Variants in CYTIP observed in about 807,000 individuals in gnomAD.
CYTIP encodes the protein cytohesin 1 interacting protein.
A neutral mutation model predicts 43.8 loss-of-function variants in CYTIP; 26 were observed. That is an observed-to-expected ratio of 0.59 (90% confidence interval 0.44 to 0.82). The LOEUF is 0.82. Among genes scored for constraint, CYTIP ranks in the 40% least tolerant of loss-of-function variants. The pLI is 0.00. For missense variants in CYTIP, 426 were observed against 443.1 expected (o/e 0.96, Z 0.35); for synonymous variants, 162 against 162.9 (o/e 0.99, Z 0.04).
At chr2:157,440,448 C>T (rs1229720418) in intron 1 of CYTIP, among the ~76,000 whole-genome samples, 1 of 152,124 alleles carries the variant, frequency 6.6e-6, no homozygotes, top group Non-Finnish European at 1.5e-5. Flanking sequence ...GAATAATTTT[C>T]AAAGTCTTTT....
chr2:157,422,419 GCA>G (rs1685535290), intron 6 of CYTIP, among the ~76,000 whole-genome samples: 1 of 152,178 alleles, frequency 6.6e-6, no homozygotes, highest in Non-Finnish European at 1.5e-5. Context: ...TGTAATCCCA[GCA>G]CTTTGGGAGG....
At chr2:157,434,322 G>T in intron 3 of CYTIP, 48 bp downstream of exon 3, 2 of 1,410,446 alleles carry the variant, frequency 1.4e-6, no homozygotes, top group Non-Finnish European at 2.0e-6. Flanking sequence ...TGACACTACC[G>T]GTGCCACTTT....
intron 1 of CYTIP, among the ~76,000 whole-genome samples, chr2:157,435,627 T>C (rs1188689678): frequency 6.6e-6 from 1 of 152,156 alleles, no homozygotes; most frequent in Admixed American, 6.5e-5. Flanking sequence ...GTTTTTTTGG[T>C]CGGTTTGTTT....
chr2:157,434,785 T>C, intron 1 of CYTIP, 38 bp from the exon 2 acceptor site: 2 of 1,515,720 alleles, frequency 1.3e-6, no homozygotes, highest in Non-Finnish European at 1.8e-6. Flanking sequence ...TCCCAGGGTC[T>C]TCAAGATACA....
In CYTIP at chr2:157,427,399, T is replaced by C; in HGVS notation, c.498A>G (p.Thr166=). 1 of 1,609,106 alleles carries C rather than the reference T, an allele frequency of 6.2e-7. No individual in the cohort carries two copies. The highest frequency in any genetic ancestry group is 8.5e-7 in the Non-Finnish European group (1 of 1,178,454). ...NLLTIETLNG[T]MILKRTELEA... The stretch of plus-strand genomic sequence containing the variant: ...CAAGCTCCGTTCTTTTCAGAATCAT[T>C]GTTCCATTAAGAGTCTCTATCCTGT... Residue 166 remains threonine (T), a synonymous_variant, in exon 6 of 8, where the codon ACA becomes ACG. Coordinates refer to ENST00000264192, the MANE Select transcript of CYTIP (RefSeq NM_004288.5).
In CYTIP at chr2:157,427,654, A is replaced by C. The variant is rs574148500; in HGVS notation, c.477-234T>G. 6.6e-4 allele frequency among the ~76,000 whole-genome samples: 100 copies of C among 152,372 alleles called. 2 individuals are homozygous for C. Among genetic ancestry groups the C allele is most frequent in the Non-Finnish European group, 4.7e-4 (32 of 68,030 alleles). ...CCCCTTGAGAAGGTGGCTAAAAGAA[A>C]GGATCCTAGTTAATTTGTAAACTAT... On this transcript the variant is annotated intron_variant, in intron 5 of 7. Transcript: ENST00000264192.
At chr2:157,434,235 A>G in intron 3 of CYTIP, 135 bp downstream of exon 3, 1 of 752,672 alleles carries the variant, frequency 1.3e-6, no homozygotes, top group East Asian at 2.5e-5. Flanking sequence ...ACTACCCCCA[A>G]ACAGCCACAC....
In CYTIP at chr2:157,418,599, TA is replaced by T. The variant is rs5835667; in HGVS notation, c.547-11del. 0.062 allele frequency: 80,543 copies of T among 1,305,626 alleles called. No individual in the cohort carries two copies. The highest frequency in any genetic ancestry group is 0.095 in the South Asian group (6,101 of 64,004). 80.9% of individuals were successfully genotyped at this position (1,305,626 alleles called of 1,614,324 possible). On this transcript the variant is annotated splice_polypyrimidine_tract_variant and intron_variant, in intron 6 of 7. Transcript: ENST00000264192. ...TTTGTTTCAAAGTTTGCTGTGAGATTAAAAAAAAAAAAAAAAAGTTTTTATT... is the reference window on the plus strand; with the variant it reads ...TTTGTTTCAAAGTTTGCTGTGAGATTAAAAAAAAAAAAAAAAGTTTTTATT...
Position 157,416,017 on chromosome 2 carries a change from T to C in CYTIP, c.740A>G (p.Lys247Arg). The change falls in exon 8 of 8, where the codon AAG (lysine) becomes AGG (arginine). Residue 247 changes from lysine to arginine, a missense_variant. Physicochemically the swap from Lys to Arg is conservative, Grantham distance 26 (BLOSUM62 2). Transcript: ENST00000264192. ...CATCGTCATGGAGCTCAGCCAGCTCTTACAGCTGCTCTCACTGGATAATCG... is the reference window on the plus strand; with the variant it reads ...CATCGTCATGGAGCTCAGCCAGCTCCTACAGCTGCTCTCACTGGATAATCG... ...RNRLSSESSC[K>R]SWLSSMTMDS... 1 of 1,614,218 alleles carries C rather than the reference T, an allele frequency of 6.2e-7. No individual in the cohort carries two copies. Among genetic ancestry groups the C allele is most frequent in the Non-Finnish European group, 8.5e-7 (1 of 1,180,040 alleles).
intron 6 of CYTIP, among the ~76,000 whole-genome samples, chr2:157,419,188 C>T (rs1167233357): frequency 2.6e-5 from 4 of 152,122 alleles, no homozygotes; most frequent in South Asian, 2.1e-4. Flanking sequence ...TTAGTAGCGA[C>T]GGGGTTTCAC....
At chr2:157,430,054 C>T (rs1237648500) in intron 5 of CYTIP, among the ~76,000 whole-genome samples, 5 of 147,794 alleles carry the variant, frequency 3.4e-5, no homozygotes, top group Non-Finnish European at 7.4e-5. Context: ...AAGTTTGGAA[C>T]ATTTGGAACA....
intron 1 of CYTIP, among the ~76,000 whole-genome samples, chr2:157,441,646 T>G (rs1348052676): frequency 6.6e-6 from 1 of 151,534 alleles, no homozygotes; most frequent in African/African-American, 2.4e-5. Flanking sequence ...ACACGTGTAT[T>G]TCATATGCCA....
intron 1 of CYTIP, among the ~76,000 whole-genome samples, chr2:157,443,302 G>A (rs1685944689): frequency 6.6e-6 from 1 of 152,022 alleles, no homozygotes; most frequent in South Asian, 2.1e-4. Flanking sequence ...CAGACACTAA[G>A]TGGTGAGCTG....
intron 6 of CYTIP, among the ~76,000 whole-genome samples, chr2:157,424,492 C>T (rs944718651): frequency 6.6e-6 from 1 of 151,716 alleles, no homozygotes; most frequent in African/African-American, 2.4e-5. Context: ...AACAGAATAC[C>T]ATATGATGTT....
At chr2:157,416,534 A>G (rs1417434381) in intron 7 of CYTIP, among the ~76,000 whole-genome samples, 1 of 152,240 alleles carries the variant, frequency 6.6e-6, no homozygotes, top group Non-Finnish European at 1.5e-5. Context: ...ATGGGGTTCC[A>G]TAGAATACAC....
chr2:157,434,582 C>T, intron 2 of CYTIP, 116 bp downstream of exon 2: 1 of 824,464 alleles, frequency 1.2e-6, no homozygotes, highest in Non-Finnish European at 1.9e-6. Flanking sequence ...GTGTGTGCGT[C>T]TGTGTGTGTG....
chr2:157,420,023 T>C (rs970403117), intron 6 of CYTIP, among the ~76,000 whole-genome samples: 5 of 152,202 alleles, frequency 3.3e-5, no homozygotes, highest in African/African-American at 1.2e-4. Flanking sequence ...TACCATAATA[T>C]AGTCTAGACT....
At chr2:157,429,888 T>A (rs1353889480) in intron 5 of CYTIP, among the ~76,000 whole-genome samples, 1 of 151,514 alleles carries the variant, frequency 6.6e-6, no homozygotes, top group African/African-American at 2.4e-5. Flanking sequence ...CCGGGCATGG[T>A]GGTGGGCGCC....
intron 6 of CYTIP, among the ~76,000 whole-genome samples, chr2:157,419,937 C>T (rs1238077531): frequency 6.6e-6 from 1 of 152,224 alleles, no homozygotes; most frequent in Non-Finnish European, 1.5e-5. Context: ...TTAACAGCAA[C>T]CCTTATGGTT....
Sources: gnomAD v4.1 joint callset for allele counts (sites outside exome capture counted in the v4.1 genomes callset) on GRCh38, gnomAD v4.1.1 for gene constraint, MANE v1.5 for transcripts, NCBI Gene and HGNC (gene_info 2026-07-23, HGNC 2026-07-21) for gene names.